The following NR3C2 variants were observed in gnomAD, a reference collection of about 807,000 sequenced individuals.
NR3C2 encodes the protein nuclear receptor subfamily 3 group C member 2.
A neutral mutation model predicts 86.4 loss-of-function variants in NR3C2; 15 were observed. The ratio of observed to expected loss-of-function variants is 0.17; its 90% CI spans 0.12 to 0.27. The LOEUF (loss-of-function observed/expected upper bound fraction) is 0.27. Among genes scored for constraint, NR3C2 ranks in the 10% least tolerant of loss-of-function variants. NR3C2 has a pLI of 1.00. For synonymous variants in NR3C2, 458 were observed against 450.5 expected, an observed-to-expected ratio of 1.02 and a Z score of -0.21; for missense variants, 960 against 1,195.6, an observed-to-expected ratio of 0.80 and a Z score of 2.91.
intron 2 of NR3C2, among the ~76,000 whole-genome samples, chr4:148,377,969 G>A (rs1045758297): frequency 6.6e-6 from 1 of 152,054 alleles, no homozygotes. Context: ...CAATGCAAAG[G>A]GTTACCCAGA....
chr4:148,318,801 G>A (rs1743377827), intron 2 of NR3C2, among the ~76,000 whole-genome samples: 2 of 152,078 alleles, frequency 1.3e-5, no homozygotes, highest in Admixed American at 6.5e-5. Flanking sequence ...AGTAGGTTGT[G>A]AAAATTTTCT....
chr4:148,170,619 C>T (rs965718381), intron 4 of NR3C2, among the ~76,000 whole-genome samples: 1 of 152,186 alleles, frequency 6.6e-6, no homozygotes, highest in Non-Finnish European at 1.5e-5. Context: ...CTGGCCACTC[C>T]CCTTCGATGG....
At chr4:148,424,847 G>A (rs947732418) in intron 2 of NR3C2, among the ~76,000 whole-genome samples, 2 of 152,100 alleles carry the variant, frequency 1.3e-5, no homozygotes, top group African/African-American at 4.8e-5. Context: ...GTGGTTACAA[G>A]ACTACACATT....
At chr4:148,444,617 A>G (rs5521), upstream of NR3C2, 17,391 of 986,914 alleles carry the variant, frequency 0.018, 2,075 homozygotes, top group African/African-American at 0.26. Context: ...AGCAAGTCCA[A>G]TATTGGCTGA....
rs369088617 is a variant in NR3C2, at chr4:148,119,866, T to A, written c.2641+292A>T. ...AAAGACTGTGCTTCATTAACCCTTGTGTTTCCTGAATTGCCCAATCCTACC... is the reference window on the plus strand; with the variant it reads ...AAAGACTGTGCTTCATTAACCCTTGAGTTTCCTGAATTGCCCAATCCTACC... On this transcript the variant is annotated intron_variant, in intron 7 of 8. Coordinates refer to ENST00000358102, the MANE Select transcript of NR3C2 (RefSeq NM_000901.5). Among the ~76,000 whole-genome samples the A allele has an allele frequency of 7.2e-5, 11 of 152,286 alleles. No individual in the cohort carries two copies. In the East Asian group the frequency reaches 1.7e-3, roughly 24 times the overall value.
intron 5 of NR3C2, 111 bp from the exon 6 acceptor site, chr4:148,152,724 T>G: frequency 9.5e-7 from 1 of 1,057,674 alleles, no homozygotes; most frequent in Non-Finnish European, 1.4e-6. Flanking sequence ...CTTTTCTCTT[T>G]TCTGACAGAC....
intron 8 of NR3C2, among the ~76,000 whole-genome samples, chr4:148,094,446 G>A (rs754561451): frequency 6.6e-6 from 1 of 152,186 alleles, no homozygotes; most frequent in Non-Finnish European, 1.5e-5. Context: ...TGGGCATGGG[G>A]CCCACGCCTG....
intron 2 of NR3C2, among the ~76,000 whole-genome samples, chr4:148,305,344 C>G (rs1742561647): frequency 6.6e-6 from 1 of 152,058 alleles, no homozygotes; most frequent in Non-Finnish European, 1.5e-5. Context: ...GTGAAAAAAG[C>G]AGCAACAGTC....
At chr4:148,381,621 A>T (rs1746996148) in intron 2 of NR3C2, among the ~76,000 whole-genome samples, 1 of 152,230 alleles carries the variant, frequency 6.6e-6, no homozygotes, top group Non-Finnish European at 1.5e-5. Context: ...TCTTTAAAAC[A>T]TGGAAAATTC....
At chr4:148,438,242 T>G (rs544235246) in intron 1 of NR3C2, among the ~76,000 whole-genome samples, 1 of 152,176 alleles carries the variant, frequency 6.6e-6, no homozygotes, top group South Asian at 2.1e-4. Flanking sequence ...CCCTACCCAC[T>G]AGATGCCAGT....
intron 2 of NR3C2, among the ~76,000 whole-genome samples, chr4:148,321,604 G>A (rs1743596825): frequency 6.6e-6 from 1 of 152,142 alleles, no homozygotes; most frequent in African/African-American, 2.4e-5. Context: ...AGCTCTTCTT[G>A]TTGAATTGAT....
rs183342344 is a variant in NR3C2 at position 148,154,928 on chromosome 4, C to G, written c.2015-27G>C. 49 of 1,520,618 alleles carry G rather than the reference C, an allele frequency of 3.2e-5. No homozygotes were observed. The East Asian group carries it at 1.1e-3, about 35-fold the overall frequency. 94.2% of individuals were successfully genotyped at this position (1,520,618 alleles called of 1,614,324 possible). ...TATAAGAAACCATAAATGATAAGGCCAAATTAAAATTATGTTTGAAATATG... is the reference window on the plus strand; with the variant it reads ...TATAAGAAACCATAAATGATAAGGCGAAATTAAAATTATGTTTGAAATATG... On this transcript the variant is annotated intron_variant, in intron 4 of 8. Coordinates refer to ENST00000358102, the MANE Select transcript of NR3C2 (RefSeq NM_000901.5).
chr4:148,148,801 T>G (rs978008109), intron 6 of NR3C2, among the ~76,000 whole-genome samples: 2 of 152,228 alleles, frequency 1.3e-5, no homozygotes, highest in African/African-American at 4.8e-5. Context: ...TAAAACTCAG[T>G]ATTTCTGTCT....
At chr4:148,367,469 A>C (rs964825884) in intron 2 of NR3C2, among the ~76,000 whole-genome samples, 4 of 152,196 alleles carry the variant, frequency 2.6e-5, no homozygotes, top group Admixed American at 2.0e-4. Flanking sequence ...ATGGTATTAA[A>C]ATTCAGCTTG....
At chr4:148,126,814 T>G (rs1732769285) in intron 6 of NR3C2, among the ~76,000 whole-genome samples, 2 of 152,186 alleles carry the variant, frequency 1.3e-5, no homozygotes, top group Non-Finnish European at 2.9e-5. Flanking sequence ...AGAGCTAAAT[T>G]TCTTCTTGCT....
At chr4:148,162,701 T>C (rs891156744) in intron 4 of NR3C2, among the ~76,000 whole-genome samples, 2 of 152,186 alleles carry the variant, frequency 1.3e-5, no homozygotes, top group African/African-American at 2.4e-5. Context: ...GCCCTGTAAT[T>C]CTGAAGTGCC....
chr4:148,400,547 G>A (rs1484154838), intron 2 of NR3C2, among the ~76,000 whole-genome samples: 1 of 152,086 alleles, frequency 6.6e-6, no homozygotes, highest in East Asian at 1.9e-4. Context: ...TTGGGAGGCT[G>A]AGGCGGGCGG....
In NR3C2 at chr4:148,114,100, T is replaced by G; in HGVS notation, c.2799+4A>C. 6.2e-7 allele frequency: 1 copy of G among 1,612,954 alleles called. No individual in the cohort carries two copies. The highest frequency in any genetic ancestry group is 8.5e-7 in the Non-Finnish European group (1 of 1,179,754). ...CTTAGGAACCAAGGAGGGGCTCTAC[T>G]CACGTCATGCATGGAGTCCAGCAGC... On this transcript the variant is annotated splice_donor_region_variant and intron_variant, in intron 8 of 8. Coordinates refer to ENST00000358102, the MANE Select transcript of NR3C2 (RefSeq NM_000901.5).
At chr4:148,310,427 C>T (rs1742849415) in intron 2 of NR3C2, among the ~76,000 whole-genome samples, 1 of 152,188 alleles carries the variant, frequency 6.6e-6, no homozygotes, top group Admixed American at 6.5e-5. Context: ...CCAGGCATCA[C>T]AGTACATTTC....
Sources: gnomAD v4.1 joint callset for allele counts (sites outside exome capture counted in the v4.1 genomes callset) on GRCh38, gnomAD v4.1.1 for gene constraint, MANE v1.5 for transcripts, NCBI Gene and HGNC (gene_info 2026-07-23, HGNC 2026-07-21) for gene names.